WDR93: variants seen among roughly 807,000 people sequenced by gnomAD.
The protein encoded by WDR93 is WD repeat-containing protein 93.
In WDR93, 73 loss-of-function variants were observed where a neutral mutation model predicts 82.9. The observed-to-expected ratio is 0.88, with a 90% CI of 0.73 to 1.07. The LOEUF is 1.07. Ranked by LOEUF, WDR93 falls within the 50% of genes least tolerant of loss-of-function variation. WDR93 has a pLI of 0.00. For missense variants in WDR93, 738 were observed against 826.0 expected, an observed-to-expected ratio of 0.89 and a Z score of 1.31; for synonymous variants, 283 against 300.1, an observed-to-expected ratio of 0.94 and a Z score of 0.59.
intron 4 of WDR93, among the ~76,000 whole-genome samples, chr15:89,710,879 A>C (rs1965945203): frequency 6.6e-6 from 1 of 152,250 alleles, no homozygotes; most frequent in African/African-American, 2.4e-5. Context: ...TGGGCAACCA[A>C]TTTCAAGGCA....
At chr15:89,712,590 C>T (rs965408570) in intron 5 of WDR93, among the ~76,000 whole-genome samples, 2 of 151,944 alleles carry the variant, frequency 1.3e-5, no homozygotes, top group African/African-American at 4.8e-5. Flanking sequence ...ATATTTTTCT[C>T]ATAATTCAAC....
rs1231353051 is a variant in WDR93, at chr15:89,701,814, T to C, written c.68T>C (p.Leu23Ser). 1.2e-6 allele frequency: 2 copies of C among 1,614,032 alleles called. No individual in the cohort carries two copies. Among genetic ancestry groups the C allele is most frequent in the Non-Finnish European group, 1.7e-6 (2 of 1,180,030 alleles). ...KHPIGTRKGP[L>S]EVPPPTEKDW... ...CCCATTGGTACACGAAAGGGACCAT[T>C]GGAGGTGCCACCCCCAACAGAGAAG... is the stretch of plus-strand genomic sequence containing the variant. Residue 23 changes from leucine (L) to serine (S), a missense_variant, in exon 2 of 17, where the codon TTG becomes TCG. Physicochemically the swap from Leu to Ser is moderately radical, Grantham distance 145 (BLOSUM62 -2). Transcript: ENST00000268130.
Position 89,729,673 on chromosome 15 carries a change from C to T in WDR93, c.1124-10C>T. ...ACCCATTTTCTGTCTTTCCCCCGCCCCCCCACCAGGAATGGCCTGTGTCCT... is the reference window on the plus strand; with the variant it reads ...ACCCATTTTCTGTCTTTCCCCCGCCTCCCCACCAGGAATGGCCTGTGTCCT... On this transcript the variant is annotated splice_polypyrimidine_tract_variant and intron_variant, in intron 10 of 16. Coordinates refer to ENST00000268130, the MANE Select transcript of WDR93 (RefSeq NM_020212.2). The T allele has an allele frequency of 1.9e-6, 3 of 1,611,016 alleles. No homozygotes were observed. Among genetic ancestry groups the T allele is most frequent in the Non-Finnish European group, 2.5e-6 (3 of 1,178,628 alleles).
chr15:89,720,203 A>AT (rs200790990), intron 7 of WDR93, among the ~76,000 whole-genome samples: 2 of 151,950 alleles, frequency 1.3e-5, no homozygotes, highest in Admixed American at 6.6e-5. Flanking sequence ...TTAAAATTTG[A>AT]TTTTTTTATT....
chr15:89,738,626 C>CAAAAAAA (rs34617270), intron 16 of WDR93, among the ~76,000 whole-genome samples: 1 of 81,460 alleles, frequency 1.2e-5, no homozygotes, highest in African/African-American at 4.6e-5. Flanking sequence ...GACTCTGTCC[C>CAAAAAAA]AAAAAAAAAA....
chr15:89,697,976 T>C (rs1007414912), intron 1 of WDR93, among the ~76,000 whole-genome samples: 4 of 150,810 alleles, frequency 2.7e-5, no homozygotes, highest in Admixed American at 6.6e-5. Context: ...GCCTCCTGGG[T>C]TCACGCCATT....
intron 4 of WDR93, among the ~76,000 whole-genome samples, chr15:89,706,472 C>A (rs989519637): frequency 1.3e-5 from 2 of 151,844 alleles, no homozygotes; most frequent in African/African-American, 2.4e-5. Context: ...TATAATTTGT[C>A]TTCTAAGAAA....
chr15:89,706,563 A>C (rs1965737491), intron 4 of WDR93, among the ~76,000 whole-genome samples: 1 of 152,182 alleles, frequency 6.6e-6, no homozygotes, highest in South Asian at 2.1e-4. Context: ...CACTGGAAAA[A>C]CAAATATGGA....
At chr15:89,726,129 A>T (rs1966728676) in intron 8 of WDR93, among the ~76,000 whole-genome samples, 1 of 152,234 alleles carries the variant, frequency 6.6e-6, no homozygotes, top group South Asian at 2.1e-4. Context: ...CATCAGACTC[A>T]TTTGGAGAAC....
intron 16 of WDR93, among the ~76,000 whole-genome samples, chr15:89,741,139 C>CA (rs141800796): frequency 0.22 from 32,563 of 150,924 alleles, 3,763 homozygotes; most frequent in Middle Eastern, 0.3. Flanking sequence ...GAATCTGTCT[C>CA]AAAAAAAATA....
At chr15:89,702,758 C>T (rs1258316648) in intron 2 of WDR93, among the ~76,000 whole-genome samples, 192 bp from the exon 3 acceptor site, 4 of 152,068 alleles carry the variant, frequency 2.6e-5, no homozygotes, top group Non-Finnish European at 5.9e-5. Context: ...AGGCTAGTCT[C>T]GAACCCTTGA....
intron 5 of WDR93, among the ~76,000 whole-genome samples, chr15:89,712,359 AT>A (rs60495979): frequency 9.0e-5 from 11 of 122,374 alleles, no homozygotes; most frequent in Non-Finnish European, 1.3e-4. Flanking sequence ...TTAACTACAG[AT>A]TTTTTTTTTC....
chr15:89,723,199 C>CATAA (rs60829285), intron 8 of WDR93, among the ~76,000 whole-genome samples: 53,002 of 143,260 alleles, frequency 0.37, 10,770 homozygotes, highest in African/African-American at 0.53. Context: ...GAAACCGCGT[C>CATAA]ATAAATAAAT....
intron 14 of WDR93, 123 bp from the exon 15 acceptor site, chr15:89,737,449 TG>T: frequency 1.5e-6 from 2 of 1,314,600 alleles, no homozygotes; most frequent in Non-Finnish European, 2.1e-6. Context: ...ATCCAGAGGC[TG>T]GGGCCCAAGA....
intron 4 of WDR93, among the ~76,000 whole-genome samples, chr15:89,707,155 A>G (rs1965759096): frequency 6.6e-6 from 1 of 152,200 alleles, no homozygotes; most frequent in African/African-American, 2.4e-5. Flanking sequence ...AGATGTATGG[A>G]AGGCAAATAA....
intron 1 of WDR93, among the ~76,000 whole-genome samples, chr15:89,698,847 C>G (rs1389708942): frequency 6.6e-6 from 1 of 151,848 alleles, no homozygotes; most frequent in Non-Finnish European, 1.5e-5. Flanking sequence ...TTTTTCACTT[C>G]TTTATGTAAA....
At chr15:89,729,215 A>C (rs1180359606) in intron 10 of WDR93, 122 bp downstream of exon 10, 1 of 929,004 alleles carries the variant, frequency 1.1e-6, no homozygotes, top group Non-Finnish European at 1.7e-6. Flanking sequence ...TGAAGAGGGG[A>C]GTTTGGTTGC....
chr15:89,723,733 G>A (rs904758512), intron 8 of WDR93, among the ~76,000 whole-genome samples: 4 of 152,304 alleles, frequency 2.6e-5, no homozygotes, highest in Admixed American at 6.5e-5. Flanking sequence ...CAGAGGCAGC[G>A]CTATGGAGCT....
In WDR93 at chr15:89,720,410, T is replaced by C. The variant is rs141090031; in HGVS notation, c.796-1645T>C. On this transcript the variant is annotated intron_variant, in intron 7 of 16. Coordinates refer to ENST00000268130, the MANE Select transcript of WDR93 (RefSeq NM_020212.2). ...GCCTCAGCCTCCCAAGTAGCTGGGA[T>C]TACAGGCACATGTCACCATGCCCAG... Among the ~76,000 whole-genome samples the C allele has an allele frequency of 7.0e-3, 1,062 of 152,166 alleles. 9 individuals carry two copies. Among genetic ancestry groups the C allele is most frequent in the African/African-American group, 0.023 (971 of 41,514 alleles).
Sources: allele counts gnomAD v4.1 joint callset (sites outside exome capture counted in the v4.1 genomes callset), GRCh38; gene constraint gnomAD v4.1.1; transcripts MANE v1.5; gene names NCBI Gene and HGNC (gene_info 2026-07-23, HGNC 2026-07-21).